DLG2: variants seen among roughly 807,000 people sequenced by gnomAD.
DLG2 encodes discs large MAGUK scaffold protein 2, also known as disks large homolog 2.
In DLG2, 45 loss-of-function variants were observed where a neutral mutation model predicts 132.5. That is an observed-to-expected ratio of 0.34 (90% CI 0.27 to 0.44). DLG2 has a LOEUF of 0.44. Among genes scored for constraint, DLG2 ranks in the 20% least tolerant of loss-of-function variants. The pLI is 1.00. For missense variants in DLG2, 1,045 were observed against 1,196.9 expected, an observed-to-expected ratio of 0.87 and a Z score of 1.87; for synonymous variants, 424 against 419.6, an observed-to-expected ratio of 1.01 and a Z score of -0.13.
intron 6 of DLG2, among the ~76,000 whole-genome samples, chr11:84,605,223 T>C (rs1374199089): frequency 6.6e-6 from 1 of 151,996 alleles, no homozygotes; most frequent in African/African-American, 2.4e-5. Flanking sequence ...AATATACTAC[T>C]ACAGATTGTT....
chr11:85,008,176 T>G (rs1398360488), intron 6 of DLG2, among the ~76,000 whole-genome samples: 1 of 151,318 alleles, frequency 6.6e-6, no homozygotes, highest in Non-Finnish European at 1.5e-5. Context: ...TATAAAACTT[T>G]TCATTTTATG....
At chr11:83,595,825 G>A (rs1404461817) in intron 19 of DLG2, among the ~76,000 whole-genome samples, 1 of 152,128 alleles carries the variant, frequency 6.6e-6, no homozygotes, top group Non-Finnish European at 1.5e-5. Flanking sequence ...ACAAACAAAA[G>A]TCTGCCATTA....
chr11:83,599,619 C>T (rs1440839491), intron 19 of DLG2, among the ~76,000 whole-genome samples: 1 of 152,110 alleles, frequency 6.6e-6, no homozygotes, highest in Non-Finnish European at 1.5e-5. Context: ...TTCATAACAG[C>T]GTAATACTGT....
intron 10 of DLG2, among the ~76,000 whole-genome samples, chr11:84,071,582 T>C (rs1332368097): frequency 1.3e-5 from 2 of 152,174 alleles, no homozygotes; most frequent in African/African-American, 4.8e-5. Context: ...CTAGCCCTTA[T>C]TGTCAATCAC....
At chr11:84,845,139 T>C (rs1420740174) in intron 6 of DLG2, among the ~76,000 whole-genome samples, 3 of 152,154 alleles carry the variant, frequency 2.0e-5, no homozygotes, top group Non-Finnish European at 4.4e-5. Flanking sequence ...TGACAGAATA[T>C]CTCAGGAGAC....
chr11:85,270,500 G>T (rs1310959073), intron 4 of DLG2, among the ~76,000 whole-genome samples: 2 of 152,210 alleles, frequency 1.3e-5, no homozygotes, highest in Non-Finnish European at 2.9e-5. Flanking sequence ...CTGCTGAAAA[G>T]ATACCTGAAA....
intron 7 of DLG2, among the ~76,000 whole-genome samples, chr11:84,255,181 T>G (rs942483889): frequency 1.3e-5 from 2 of 152,186 alleles, no homozygotes; most frequent in South Asian, 2.1e-4. Context: ...TGATTCTTTG[T>G]TCACTTTTAC....
chr11:83,714,999 TTGGGA>T (rs2086356731), intron 18 of DLG2, among the ~76,000 whole-genome samples: 3 of 152,322 alleles, frequency 2.0e-5, no homozygotes, highest in Non-Finnish European at 4.4e-5. Context: ...TAGCAAAGTC[TTGGGA>T]CCAACCCAAA....
intron 3 of DLG2, among the ~76,000 whole-genome samples, chr11:85,445,959 A>T (rs2091990435): frequency 6.6e-6 from 1 of 152,188 alleles, no homozygotes; most frequent in South Asian, 2.1e-4. Flanking sequence ...TTTTAGGCAC[A>T]GAGATATTAA....
chr11:84,832,353 A>G (rs2079150144), intron 6 of DLG2, among the ~76,000 whole-genome samples: 1 of 151,700 alleles, frequency 6.6e-6, no homozygotes, highest in Non-Finnish European at 1.5e-5. Flanking sequence ...GGGTTAAAGT[A>G]CATTTTACAG....
At chr11:85,277,795 C>T (rs2077983329) in intron 4 of DLG2, among the ~76,000 whole-genome samples, 1 of 152,150 alleles carries the variant, frequency 6.6e-6, no homozygotes, top group South Asian at 2.1e-4. Flanking sequence ...CCATGATCTT[C>T]CAGGAGGGTA....
Position 84,859,309 on chromosome 11 carries a change from CTATA to C in DLG2, c.357+252348_357+252351del, listed in dbSNP as rs555933633. Among the ~76,000 whole-genome samples, 47 of 141,584 alleles carry C rather than the reference CTATA, an allele frequency of 3.3e-4. No individual in the cohort carries two copies. In the South Asian group the frequency reaches 0.01, roughly 30 times the overall value. 92.9% of individuals were successfully genotyped at this position (141,584 alleles called of 152,430 possible). ...ATGTACATTTCATAAACATATATAC[CTATA>C]TATGTATATCTACATATATAGGTAT... On this transcript the variant is annotated intron_variant, in intron 6 of 27. Coordinates refer to ENST00000376104, the MANE Select transcript of DLG2 (RefSeq NM_001142699.3).
rs74533658 is a variant in DLG2 at position 83,686,370 on chromosome 11, T to C, written c.1826-53045A>G. ...ACTTCTAAAAAATTTATAGTACTTA[T>C]CTCTGCTTAAACATTATATACTAAA... On this transcript the variant is annotated intron_variant, in intron 18 of 27. Transcript: ENST00000376104. Among the ~76,000 whole-genome samples the C allele has an allele frequency of 2.1e-3, 318 of 152,086 alleles. 1 individual carries two copies. Among genetic ancestry groups the C allele is most frequent in the East Asian group, 0.014 (71 of 5,174 alleles).
intron 19 of DLG2, among the ~76,000 whole-genome samples, chr11:83,612,003 C>A (rs973217136): frequency 6.6e-6 from 1 of 152,172 alleles, no homozygotes; most frequent in African/African-American, 2.4e-5. Context: ...ATATACTTGA[C>A]CTTTACCACA....
chr11:84,557,860 T>A (rs566612374), intron 6 of DLG2, among the ~76,000 whole-genome samples: 3 of 152,270 alleles, frequency 2.0e-5, no homozygotes, highest in South Asian at 2.1e-4. Flanking sequence ...TTTCTAGATA[T>A]CTGTTCCGTG....
chr11:85,267,421 A>T lies in DLG2; in HGVS notation c.186+17799T>A, dbSNP rs113198700. On this transcript the variant is annotated intron_variant, in intron 4 of 27. Coordinates refer to ENST00000376104, the MANE Select transcript of DLG2 (RefSeq NM_001142699.3). The stretch of plus-strand genomic sequence containing the variant: ...TTAGATACATTTGCTATTAAGCTAC[A>T]TGGGTGTACGCCTGTCTTTCTTCTA... 2.0e-5 allele frequency among the ~76,000 whole-genome samples: 3 copies of T among 152,308 alleles called. No individual in the cohort carries two copies. The South Asian group carries it at 6.2e-4, about 32-fold the overall frequency.
intron 6 of DLG2, among the ~76,000 whole-genome samples, chr11:84,716,028 A>T (rs1813595919): frequency 6.6e-6 from 1 of 152,074 alleles, no homozygotes; most frequent in Non-Finnish European, 1.5e-5. Context: ...ATTCTCACCA[A>T]CAGTGTACAT....
At chr11:83,562,966 C>CTTTTTTTTTTTT (rs527949325) in intron 19 of DLG2, among the ~76,000 whole-genome samples, 1 of 81,368 alleles carries the variant, frequency 1.2e-5, no homozygotes, top group African/African-American at 5.2e-5. Context: ...TTCCCTAATT[C>CTTTTTTTTTTTT]TTTTTTTTTT....
intron 7 of DLG2, among the ~76,000 whole-genome samples, chr11:84,328,573 G>C (rs1251784400): frequency 1.3e-5 from 2 of 151,988 alleles, no homozygotes; most frequent in Admixed American, 1.3e-4. Context: ...TTTTTCTTCA[G>C]TTTAAATTTT....
Sources: allele counts gnomAD v4.1 joint callset (sites outside exome capture counted in the v4.1 genomes callset), GRCh38; gene constraint gnomAD v4.1.1; transcripts MANE v1.5; gene names NCBI Gene and HGNC (gene_info 2026-07-23, HGNC 2026-07-21).